TRPC4AP: variants seen among roughly 807,000 people sequenced by gnomAD.
TRPC4AP encodes the protein short transient receptor potential channel 4-associated protein.
A neutral mutation model predicts 99.0 loss-of-function variants in TRPC4AP; 45 were observed. The ratio of observed to expected loss-of-function variants is 0.45; its 90% confidence interval spans 0.36 to 0.58. TRPC4AP has a LOEUF of 0.58. TRPC4AP is among the 20% of genes least tolerant of loss of function. The pLI is 0.00. For missense variants in TRPC4AP, 879 were observed against 985.3 expected, an observed-to-expected ratio of 0.89 and a Z score of 1.44; for synonymous variants, 408 against 385.8, an observed-to-expected ratio of 1.06 and a Z score of -0.67.
chr20:35,059,727 GGAA>G (rs1569131649), intron 3 of TRPC4AP, among the ~76,000 whole-genome samples: 7 of 149,252 alleles, frequency 4.7e-5, no homozygotes, highest in African/African-American at 2.5e-5. Context: ...AAGAAGAAGA[GGAA>G]GAAGACTACG....
intron 8 of TRPC4AP, among the ~76,000 whole-genome samples, chr20:35,029,827 G>T (rs1276453771): frequency 1.4e-5 from 2 of 147,810 alleles, no homozygotes; most frequent in African/African-American, 4.9e-5. Flanking sequence ...TAGTAGAGAC[G>T]GGGTTTCACC....
rs140381034 is a variant in TRPC4AP at position 35,015,608 on chromosome 20, A to C, written c.1350+400T>G. 4.6e-3 allele frequency among the ~76,000 whole-genome samples: 693 copies of C among 151,692 alleles called. 9 individuals are homozygous for C. The highest frequency in any genetic ancestry group is 0.016 in the African/African-American group (671 of 41,338). The stretch of plus-strand genomic sequence containing the variant: ...CTCCCGAAGAGTTGGGATTACAGGC[A>C]CCCAACACCATACCTGGCCAATTTT... On this transcript the variant is annotated intron_variant, in intron 10 of 18. Transcript: ENST00000252015.
chr20:35,078,135 T>C lies in TRPC4AP; in HGVS notation c.208A>G (p.Lys70Glu). The C allele has an allele frequency of 1.2e-6, 2 of 1,613,960 alleles. No homozygotes were observed. The highest frequency in any genetic ancestry group is 1.7e-6 in the Non-Finnish European group (2 of 1,179,948). Residue 70 changes from lysine to glutamate, a missense_variant, in exon 2 of 19, where the codon AAG becomes GAG. Lys to Glu is a moderately conservative substitution (Grantham distance 56). Transcript: ENST00000252015. Reference protein sequence around the residue: ...TFLTERDKQSKWSGIPQLLLK... With the variant: ...TFLTERDKQSEWSGIPQLLLK... ...AGCAGCTGAGGAATTCCACTCCACT[T>C]GGATTGTTTGTCCCTCTCCGTCAAA...
intron 3 of TRPC4AP, among the ~76,000 whole-genome samples, chr20:35,064,121 T>C (rs1453496779): frequency 1.3e-5 from 2 of 152,206 alleles, no homozygotes; most frequent in Non-Finnish European, 2.9e-5. Context: ...AAATTATCTA[T>C]ATGCTGAGAA....
intron 5 of TRPC4AP, among the ~76,000 whole-genome samples, chr20:35,052,807 A>G (rs1022746179): frequency 1.3e-5 from 2 of 152,078 alleles, no homozygotes; most frequent in Non-Finnish European, 2.9e-5. Context: ...TACTTTTTAA[A>G]CTTTTGAATT....
rs1401742281 is a variant in TRPC4AP, at chr20:35,003,657, G to A, written c.2050-41C>T. On this transcript the variant is annotated intron_variant, in intron 17 of 18. Coordinates refer to ENST00000252015, the MANE Select transcript of TRPC4AP (RefSeq NM_015638.3). Reference sequence around the variant, plus strand: ...CCCACAGGGTCAGGGGCTGGTGGGAGCCCCAGTGGCCCCTGGTGAACCTGG... The same window carrying A: ...CCCACAGGGTCAGGGGCTGGTGGGAACCCCAGTGGCCCCTGGTGAACCTGG... 3.2e-6 allele frequency: 5 copies of A among 1,581,602 alleles called. No individual in the cohort carries two copies. In the African/African-American group the frequency reaches 4.0e-5, roughly 13 times the overall value.
chr20:35,061,535 A>C (rs548314345), intron 3 of TRPC4AP, among the ~76,000 whole-genome samples: 1 of 152,296 alleles, frequency 6.6e-6, no homozygotes, highest in African/African-American at 2.4e-5. Context: ...AACAATCTTG[A>C]TCTGTAAATA....
chr20:35,022,057 AG>A (rs1468158322), intron 8 of TRPC4AP, among the ~76,000 whole-genome samples: 1 of 152,190 alleles, frequency 6.6e-6, no homozygotes, highest in African/African-American at 2.4e-5. Context: ...ACTAGGCCTT[AG>A]ACTGCTCTGC....
chr20:35,087,023 C>A (rs991702113), intron 1 of TRPC4AP, among the ~76,000 whole-genome samples: 72 of 149,824 alleles, frequency 4.8e-4, no homozygotes, highest in Non-Finnish European at 8.6e-4. Flanking sequence ...CAGCACGAGA[C>A]TCCATCTCAC....
intron 8 of TRPC4AP, among the ~76,000 whole-genome samples, chr20:35,029,969 C>T (rs554816688): frequency 5.8e-5 from 8 of 139,026 alleles, no homozygotes; most frequent in African/African-American, 1.3e-4. Context: ...CTGGCTGGCG[C>T]GGTGGCTCAT....
intron 1 of TRPC4AP, among the ~76,000 whole-genome samples, chr20:35,084,546 A>T (rs936906476): frequency 2.1e-5 from 3 of 146,170 alleles, no homozygotes; most frequent in Non-Finnish European, 4.5e-5. Flanking sequence ...ATGTATATGT[A>T]TATATGTTTA....
At chr20:35,072,936 G>T (rs941919865) in intron 2 of TRPC4AP, among the ~76,000 whole-genome samples, 12 of 152,132 alleles carry the variant, frequency 7.9e-5, no homozygotes, top group Non-Finnish European at 1.3e-4. Flanking sequence ...TCTTCCATTT[G>T]TTTGTGTCCT....
intron 13 of TRPC4AP, 27 bp from the exon 14 acceptor site, chr20:35,007,667 G>A (rs1450020761): frequency 6.2e-7 from 1 of 1,612,362 alleles, no homozygotes; most frequent in Admixed American, 1.7e-5. Context: ...GGCTCAGGTG[G>A]CTAAGGCTGC....
At chr20:35,036,252 TA>T (rs1236704341) in intron 7 of TRPC4AP, among the ~76,000 whole-genome samples, 2 of 152,160 alleles carry the variant, frequency 1.3e-5, no homozygotes, top group African/African-American at 2.4e-5. Context: ...GTATATGCAT[TA>T]AGTCTCCCTG....
intron 14 of TRPC4AP, among the ~76,000 whole-genome samples, chr20:35,006,862 C>T (rs1175134942): frequency 6.6e-6 from 1 of 152,228 alleles, no homozygotes; most frequent in East Asian, 1.9e-4. Context: ...GGCCGGGGTG[C>T]TCAGCTCCTA....
At chr20:35,013,168 C>T (rs961189652) in intron 10 of TRPC4AP, 102 bp from the exon 11 acceptor site, 1 of 1,059,582 alleles carries the variant, frequency 9.4e-7, no homozygotes, top group Admixed American at 1.8e-5. Context: ...AAGCCTCTGT[C>T]CTCATGTACC....
chr20:35,077,516 G>T (rs539119738), intron 2 of TRPC4AP, among the ~76,000 whole-genome samples: 1 of 152,210 alleles, frequency 6.6e-6, no homozygotes, highest in South Asian at 2.1e-4. Context: ...CAGGGGTGGG[G>T]CCCAGAACTC....
At chr20:35,040,951 G>T (rs1045235879) in intron 7 of TRPC4AP, among the ~76,000 whole-genome samples, 1 of 148,062 alleles carries the variant, frequency 6.8e-6, no homozygotes, top group Non-Finnish European at 1.5e-5. Flanking sequence ...CGAGAGGACT[G>T]GTGTCCTTCT....
At chr20:35,033,383 C>A (rs189851319) in intron 8 of TRPC4AP, among the ~76,000 whole-genome samples, 1 of 152,146 alleles carries the variant, frequency 6.6e-6, no homozygotes, top group Non-Finnish European at 1.5e-5. Flanking sequence ...TGGGCATGTA[C>A]AGAGTCTCCC....
Sources: allele counts gnomAD v4.1 joint callset (sites outside exome capture counted in the v4.1 genomes callset), GRCh38; gene constraint gnomAD v4.1.1; transcripts MANE v1.5; gene names NCBI Gene and HGNC (gene_info 2026-07-23, HGNC 2026-07-21).